PCDHGA3: variants seen among roughly 807,000 people sequenced by gnomAD.
PCDHGA3 encodes the protein protocadherin gamma subfamily A, 3.
Under a neutral mutation model 58.5 loss-of-function variants are expected in PCDHGA3, and 40 were observed. The observed-to-expected ratio is 0.68, with a 90% CI of 0.53 to 0.89. PCDHGA3 has a LOEUF of 0.89. PCDHGA3 is among the 40% of genes least tolerant of loss of function. The pLI is 0.00. For missense variants in PCDHGA3, 1,223 were observed against 1,195.9 expected, an observed-to-expected ratio of 1.02 and a Z score of -0.33; for synonymous variants, 530 against 525.7, an observed-to-expected ratio of 1.01 and a Z score of -0.11.
At chr5:141,405,440 GAC>G (rs1297950312) in intron 1 of PCDHGA3, 3 of 1,417,402 alleles carry the variant, frequency 2.1e-6, no homozygotes, top group Non-Finnish European at 2.9e-6. Flanking sequence ...TTGTTTTTGA[GAC>G]AGAGTCTTAC....
Position 141,486,747 on chromosome 5 carries a change from A to G in PCDHGA3, c.2425-8060A>G, listed in dbSNP as rs750666508. The G allele has an allele frequency of 3.1e-6, 5 of 1,614,210 alleles. No homozygotes were observed. The highest frequency in any genetic ancestry group is 4.2e-6 in the Non-Finnish European group (5 of 1,180,034). On this transcript the variant is annotated intron_variant, in intron 1 of 3. Transcript: ENST00000253812. This position sits in a 1 kb window ranked among gnomAD's most constrained non-coding sequence, Gnocchi z 5.0. Reference sequence around the variant, plus strand: ...GTTCATGCTACTCGATCCTTTGACTATGAGCAAACCCAGACACTGCAGTTT... The same window carrying G: ...GTTCATGCTACTCGATCCTTTGACTGTGAGCAAACCCAGACACTGCAGTTT...
rs115568443 is a variant in PCDHGA3 at position 141,439,423 on chromosome 5, A to G, written c.2425-55384A>G. On this transcript the variant is annotated intron_variant, in intron 1 of 3. Coordinates refer to ENST00000253812, the MANE Select transcript of PCDHGA3 (RefSeq NM_018916.4). ...TGTGCTAACATCACTGAGGTTATAA[A>G]TTCCCAGGAATATTTTATTGCGGGA... 1.0e-2 allele frequency among the ~76,000 whole-genome samples: 1,522 copies of G among 152,306 alleles called. 34 individuals carry two copies. Among genetic ancestry groups the G allele is most frequent in the African/African-American group, 0.034 (1,425 of 41,558 alleles).
chr5:141,415,579 A>G, intron 1 of PCDHGA3: 1 of 1,614,072 alleles, frequency 6.2e-7, no homozygotes, highest in East Asian at 2.2e-5. Flanking sequence ...AGATGATTCG[A>G]AGTTTCCTAT....
intron 1 of PCDHGA3, chr5:141,395,233 G>T: frequency 6.2e-7 from 1 of 1,602,052 alleles, no homozygotes; most frequent in Non-Finnish European, 8.5e-7. Context: ...GCTGATCATG[G>T]TCAGGTGAGT....
intron 1 of PCDHGA3, among the ~76,000 whole-genome samples, chr5:141,407,771 A>G (rs1414886829): frequency 6.6e-6 from 1 of 152,246 alleles, no homozygotes; most frequent in East Asian, 1.9e-4. Context: ...GAAATTGTGC[A>G]TAATAGATTT....
At chr5:141,454,000 T>C (rs1048921374) in intron 1 of PCDHGA3, among the ~76,000 whole-genome samples, 2 of 152,214 alleles carry the variant, frequency 1.3e-5, no homozygotes, top group African/African-American at 4.8e-5. Flanking sequence ...TAAACCCACA[T>C]AACATTTTAG....
intron 1 of PCDHGA3, among the ~76,000 whole-genome samples, chr5:141,363,487 A>G (rs1467927286): frequency 6.6e-6 from 1 of 152,248 alleles, no homozygotes; most frequent in African/African-American, 2.4e-5. Context: ...TGCATGGATG[A>G]TGAAATAAAA....
chr5:141,374,389 T>C (rs746806211), intron 1 of PCDHGA3: 1 of 1,614,028 alleles, frequency 6.2e-7, no homozygotes, highest in South Asian at 1.1e-5. Flanking sequence ...GCCCGCGGTG[T>C]CTGGTGAGTT....
At chr5:141,404,196 C>T in intron 1 of PCDHGA3, 3 of 1,613,466 alleles carry the variant, frequency 1.9e-6, no homozygotes, top group Non-Finnish European at 1.7e-6. Context: ...CGAGAAAAAG[C>T]CTCAGAATAT....
rs1036281905 is a variant in PCDHGA3 at position 141,493,555 on chromosome 5, T to C, written c.2425-1252T>C. ...GCCAGTTATCCTTTTGGAGATTGAG[T>C]TCCCCCAGCTCCGTTTCCTCCTATC... On this transcript the variant is annotated intron_variant, in intron 1 of 3. Transcript: ENST00000253812. This position sits in a 1 kb window ranked among gnomAD's most constrained non-coding sequence, Gnocchi z 4.3. Among the ~76,000 whole-genome samples, 3 of 152,012 alleles carry C rather than the reference T, an allele frequency of 2.0e-5. No individual in the cohort carries two copies. Among genetic ancestry groups the C allele is most frequent in the African/African-American group, 7.3e-5 (3 of 41,362 alleles).
At chr5:141,500,188 ATT>A (rs2099797463) in intron 2 of PCDHGA3, among the ~76,000 whole-genome samples, 1 of 98,146 alleles carries the variant, frequency 1.0e-5, no homozygotes, top group African/African-American at 5.1e-5. Flanking sequence ...TTTTATTTTT[ATT>A]TATTTATTTA....
chr5:141,441,295 A>C (rs952946372), intron 1 of PCDHGA3: 3 of 152,240 alleles, frequency 2.0e-5, no homozygotes, highest in Non-Finnish European at 4.4e-5. Flanking sequence ...CACATGTCTG[A>C]TATAAGAAAA....
Position 141,374,841 on chromosome 5 carries a change from A to T in PCDHGA3, c.2424+28384A>T, listed in dbSNP as rs1770885287. 8 of 1,613,862 alleles carry T rather than the reference A, an allele frequency of 5.0e-6. No individual in the cohort carries two copies. The East Asian group carries it at 1.8e-4, about 36-fold the overall frequency. ...CCTGTCTACCGTGTAAGTGTTCCTGAAAACCTGCCAGTAGGCACACCAGTG... is the reference window on the plus strand; with the variant it reads ...CCTGTCTACCGTGTAAGTGTTCCTGTAAACCTGCCAGTAGGCACACCAGTG... On this transcript the variant is annotated intron_variant, in intron 1 of 3. Coordinates refer to ENST00000253812, the MANE Select transcript of PCDHGA3 (RefSeq NM_018916.4).
At position 141,485,662 on chromosome 5, in the gene PCDHGA3, G is replaced by T. The variant is rs778404230; in HGVS notation, c.2425-9145G>T. ...AAAAGGCTCAGGATGCAGATGTGGG[G>T]AGCAATTCGATTAGCAGCTATAGGC... On this transcript the variant is annotated intron_variant, in intron 1 of 3. Coordinates refer to ENST00000253812, the MANE Select transcript of PCDHGA3 (RefSeq NM_018916.4). This position sits in a 1 kb window ranked among gnomAD's most constrained non-coding sequence, Gnocchi z 5.7. The T allele has an allele frequency of 1.1e-5, 18 of 1,612,748 alleles. No individual in the cohort carries two copies. The South Asian group carries it at 1.9e-4, about 17-fold the overall frequency.
Position 141,505,383 on chromosome 5 carries a change from C to T in PCDHGA3, c.2484-10C>T, listed in dbSNP as rs369765886. On this transcript the variant is annotated splice_polypyrimidine_tract_variant and intron_variant, in intron 2 of 3. Coordinates refer to ENST00000253812, the MANE Select transcript of PCDHGA3 (RefSeq NM_018916.4). Reference sequence around the variant, plus strand: ...GGGAGTCTGTGCTCACCATCCTACTCTCTCCCCAGCTCCCAAAATGGCGAT... The same window carrying T: ...GGGAGTCTGTGCTCACCATCCTACTTTCTCCCCAGCTCCCAAAATGGCGAT... The T allele has an allele frequency of 1.2e-6, 2 of 1,613,944 alleles. No individual in the cohort carries two copies. Among genetic ancestry groups the T allele is most frequent in the African/African-American group, 2.7e-5 (2 of 74,914 alleles).
intron 1 of PCDHGA3, chr5:141,352,164 G>A (rs775400971): frequency 1.9e-6 from 3 of 1,613,176 alleles, no homozygotes; most frequent in South Asian, 1.1e-5. Flanking sequence ...GACGCGGCCC[G>A]CCAGCGCCTG....
intron 1 of PCDHGA3, chr5:141,394,299 C>G: frequency 6.2e-7 from 1 of 1,614,002 alleles, no homozygotes; most frequent in Middle Eastern, 1.6e-4. Context: ...CGAGGACACG[C>G]TGCAGGGGGC....
At chr5:141,414,878 A>G in intron 1 of PCDHGA3, 2 of 1,614,026 alleles carry the variant, frequency 1.2e-6, no homozygotes, top group Non-Finnish European at 1.7e-6. Context: ...GAGATCCTGT[A>G]CCCCGCCCTC....
intron 1 of PCDHGA3, chr5:141,415,033 C>G (rs1207811183): frequency 1.2e-6 from 2 of 1,613,456 alleles, no homozygotes; most frequent in South Asian, 1.1e-5. Flanking sequence ...CGAGCCGGGA[C>G]TCTTCGCGGT....
Sources: gnomAD v4.1 joint callset for allele counts (sites outside exome capture counted in the v4.1 genomes callset) on GRCh38, gnomAD v4.1.1 for gene constraint, Gnocchi (gnomAD v3.1) non-coding constraint, MANE v1.5 for transcripts, NCBI Gene and HGNC (gene_info 2026-07-23, HGNC 2026-07-21) for gene names.